The following RABGEF1 variants were observed in gnomAD, a reference collection of about 807,000 sequenced individuals.
The protein encoded by RABGEF1 is rab5 GDP/GTP exchange factor.
RABGEF1 carries 26 observed loss-of-function variants against 57.3 expected under a neutral mutation model. That is an observed-to-expected ratio of 0.45 (90% CI 0.33 to 0.63). RABGEF1 has a LOEUF of 0.63. Among genes scored for constraint, RABGEF1 ranks in the 20% least tolerant of loss-of-function variants. RABGEF1 has a pLI of 0.02. For missense variants in RABGEF1, 464 were observed against 607.6 expected (o/e 0.76, Z 2.48); for synonymous variants, 185 against 210.7 (o/e 0.88, Z 1.06).
chr7:66,763,454 A>C (rs1804944889), intron 1 of RABGEF1, among the ~76,000 whole-genome samples: 1 of 152,152 alleles, frequency 6.6e-6, no homozygotes, highest in South Asian at 2.1e-4. Flanking sequence ...CAGCTTCAAA[A>C]CCATCAATAG....
chr7:66,705,953 G>A (rs28887326), intron 1 of RABGEF1, among the ~76,000 whole-genome samples: 71,374 of 139,552 alleles, frequency 0.51, 18,709 homozygotes, highest in East Asian at 0.74. Context: ...CGGACTGCGG[G>A]CTGCAGTGGC....
chr7:66,778,516 C>G (rs1809079251), intron 3 of RABGEF1, among the ~76,000 whole-genome samples: 1 of 152,160 alleles, frequency 6.6e-6, no homozygotes, highest in Admixed American at 6.5e-5. Flanking sequence ...TTCAGAACTC[C>G]TATAATGTTG....
In RABGEF1 at chr7:66,781,745, G is replaced by C. The variant is rs145726460; in HGVS notation, c.347-1930G>C. On this transcript the variant is annotated intron_variant, in intron 3 of 8. Coordinates refer to ENST00000284957, the MANE Select transcript of RABGEF1 (RefSeq NM_014504.3). The stretch of plus-strand genomic sequence containing the variant: ...TAGCCCTCTCCCCTCCGTAGTGTTT[G>C]CATGATATTTTGCCATGCAAATTCT... Among the ~76,000 whole-genome samples the C allele has an allele frequency of 8.7e-3, 1,321 of 152,286 alleles. 10 individuals carry two copies. Among genetic ancestry groups the C allele is most frequent in the Non-Finnish European group, 0.013 (912 of 68,020 alleles).
chr7:66,768,302 C>G (rs10244459), intron 1 of RABGEF1, among the ~76,000 whole-genome samples: 14,598 of 152,180 alleles, frequency 0.096, 799 homozygotes, highest in Non-Finnish European at 0.11. Context: ...GCAAAGGCCT[C>G]TCATGGAAAT....
intron 2 of RABGEF1, among the ~76,000 whole-genome samples, chr7:66,717,924 T>C (rs1795587441): frequency 6.6e-6 from 1 of 152,214 alleles, no homozygotes; most frequent in African/African-American, 2.4e-5. Context: ...ACTGAACTCA[T>C]TGAGTTAATT....
At chr7:66,713,504 A>G (rs904481866) in intron 2 of RABGEF1, among the ~76,000 whole-genome samples, 5 of 152,116 alleles carry the variant, frequency 3.3e-5, no homozygotes, top group African/African-American at 1.2e-4. Flanking sequence ...TTCTATCTGT[A>G]TGCTCTTTAT....
chr7:66,690,034 G>C (rs762677549), intron 1 of RABGEF1, among the ~76,000 whole-genome samples: 41 of 151,414 alleles, frequency 2.7e-4, no homozygotes, highest in Non-Finnish European at 2.9e-5. Context: ...TTGATAACTA[G>C]AGCCAGACAA....
rs552770864 is a variant in RABGEF1 at position 66,742,598 on chromosome 7, G to T, written c.-18+1806G>T. On this transcript the variant is annotated intron_variant, in intron 1 of 8. Coordinates refer to ENST00000284957, the MANE Select transcript of RABGEF1 (RefSeq NM_014504.3). ...AAGGAGAGGAGGCCAGTAACTACAAGGAGGTGCCTATTAATTTATTTATTG... is the reference window on the plus strand; with the variant it reads ...AAGGAGAGGAGGCCAGTAACTACAATGAGGTGCCTATTAATTTATTTATTG... 3.9e-5 allele frequency among the ~76,000 whole-genome samples: 6 copies of T among 152,258 alleles called. No individual in the cohort carries two copies. In the East Asian group the frequency reaches 1.2e-3, roughly 29 times the overall value.
intron 1 of RABGEF1, among the ~76,000 whole-genome samples, chr7:66,757,265 A>G (rs1286168240): frequency 6.6e-6 from 1 of 151,802 alleles, no homozygotes; most frequent in Admixed American, 6.6e-5. Context: ...TCTTTTTTAT[A>G]CTTTCTAACT....
chr7:66,734,736 A>G (rs1437201871), intron 2 of RABGEF1, among the ~76,000 whole-genome samples: 2 of 151,684 alleles, frequency 1.3e-5, no homozygotes, highest in African/African-American at 4.8e-5. Context: ...CCTGGCCCCA[A>G]AGGAGCACTC....
At chr7:66,660,325 G>T in the RABGEF1 span, among the ~76,000 whole-genome samples, 1 of 150,274 alleles carries the variant, frequency 6.7e-6, no homozygotes, top group Non-Finnish European at 1.5e-5. Context: ...TCCAGCCTGG[G>T]TGACAAAGCG....
chr7:66,741,690 C>T (rs2129048398), intron 1 of RABGEF1, among the ~76,000 whole-genome samples: 1 of 152,234 alleles, frequency 6.6e-6, no homozygotes, highest in Admixed American at 6.5e-5. Flanking sequence ...CCTAGAACTG[C>T]TTTGTTTTTA....
intron 1 of RABGEF1, among the ~76,000 whole-genome samples, chr7:66,686,737 G>GT (rs1277534670): frequency 6.6e-6 from 1 of 152,080 alleles, no homozygotes; most frequent in Non-Finnish European, 1.5e-5. Context: ...CTGTTTTCAA[G>GT]TTTCCTGTGA....
At chr7:66,670,771 G>T in the RABGEF1 span, among the ~76,000 whole-genome samples, 1 of 151,940 alleles carries the variant, frequency 6.6e-6, no homozygotes, top group Non-Finnish European at 1.5e-5. Context: ...GCTTGAACCC[G>T]GGAAGCAGAG....
the RABGEF1 span, among the ~76,000 whole-genome samples, chr7:66,674,972 G>T: frequency 6.6e-6 from 1 of 151,542 alleles, no homozygotes; most frequent in African/African-American, 2.4e-5. Context: ...TATATATAAA[G>T]GGCTAGATGT....
intron 1 of RABGEF1, among the ~76,000 whole-genome samples, chr7:66,741,254 C>T (rs1313732644): frequency 6.6e-6 from 1 of 152,198 alleles, no homozygotes; most frequent in Admixed American, 6.5e-5. Context: ...CCACAGCCCC[C>T]GGCCGCGGCA....
At chr7:66,756,096 A>G (rs1802646484) in intron 1 of RABGEF1, 2 of 1,389,958 alleles carry the variant, frequency 1.4e-6, no homozygotes, top group Non-Finnish European at 1.9e-6. Context: ...TGAAAGATAT[A>G]TAAGAAGAAT....
chr7:66,750,624 A>G (rs1801194705), intron 1 of RABGEF1, among the ~76,000 whole-genome samples: 2 of 152,248 alleles, frequency 1.3e-5, no homozygotes, highest in Admixed American at 1.3e-4. Context: ...ATATATTGGT[A>G]CATTTAAATA....
At chr7:66,717,344 T>C (rs1179778038) in intron 2 of RABGEF1, among the ~76,000 whole-genome samples, 1 of 152,210 alleles carries the variant, frequency 6.6e-6, no homozygotes, top group African/African-American at 2.4e-5. Context: ...GTTGTAGTTA[T>C]CATATGTATT....
Sources: gnomAD v4.1 joint callset for allele counts (sites outside exome capture counted in the v4.1 genomes callset) on GRCh38, gnomAD v4.1.1 for gene constraint, MANE v1.5 for transcripts, NCBI Gene and HGNC (gene_info 2026-07-23, HGNC 2026-07-21) for gene names.